The following CSMD1 variants were observed in gnomAD, a reference collection of about 807,000 sequenced individuals.
The protein encoded by CSMD1 is CUB and Sushi multiple domains 1.
A neutral mutation model predicts 417.5 loss-of-function variants in CSMD1; 213 were observed. That is an observed-to-expected ratio of 0.51 (90% CI 0.46 to 0.57). CSMD1 has a LOEUF of 0.57. CSMD1 is among the 20% of genes least tolerant of loss of function. CSMD1 has a pLI of 0.00. For missense variants in CSMD1, 6,923 were observed against 4,529.7 expected (o/e 1.53, Z -15.17); for synonymous variants, 2,862 against 1,736.8 (o/e 1.65, Z -16.11).
intron 3 of CSMD1, among the ~76,000 whole-genome samples, chr8:4,088,281 G>A (rs544292244): frequency 3.3e-4 from 51 of 152,318 alleles, no homozygotes; most frequent in Admixed American, 1.2e-3. Context: ...CTTCTCAATT[G>A]CATGGCCATT....
At chr8:4,021,011 T>G (rs1796762072) in intron 4 of CSMD1, among the ~76,000 whole-genome samples, 1 of 152,164 alleles carries the variant, frequency 6.6e-6, no homozygotes, top group Non-Finnish European at 1.5e-5. Context: ...CTGCATCTAT[T>G]TATTAAACCC....
At position 3,473,841 on chromosome 8, in the gene CSMD1, C is replaced by T. The variant is rs556802703; in HGVS notation, c.1449-5017G>A. Among the ~76,000 whole-genome samples the T allele has an allele frequency of 1.1e-4, 17 of 152,196 alleles. No individual in the cohort carries two copies. The South Asian group carries it at 2.5e-3, about 22-fold the overall frequency. ...ATAAAGAAAGGAGATTTAACTGACT[C>T]GTATTTCCACATGGCTTGGGAGGCC... On this transcript the variant is annotated intron_variant, in intron 11 of 69. Coordinates refer to ENST00000635120, the MANE Select transcript of CSMD1 (RefSeq NM_033225.6).
Position 4,357,332 on chromosome 8 carries a change from C to T in CSMD1, c.415+62621G>A, listed in dbSNP as rs187032457. ...TTTCCTCCTGATATCATGCCTGTTG[C>T]GTAAGCTATTCACAACAGGATCGTA... On this transcript the variant is annotated intron_variant, in intron 3 of 69. Transcript: ENST00000635120. Among the ~76,000 whole-genome samples, 212 of 152,234 alleles carry T rather than the reference C, an allele frequency of 1.4e-3. 1 individual carries two copies. Among genetic ancestry groups the T allele is most frequent in the Admixed American group, 6.0e-3 (91 of 15,286 alleles).
At chr8:2,999,562 G>A (rs1290135534) in intron 53 of CSMD1, among the ~76,000 whole-genome samples, 1 of 152,158 alleles carries the variant, frequency 6.6e-6, no homozygotes, top group African/African-American at 2.4e-5. Context: ...GAGTGCCGCT[G>A]TTTCTAGGAC....
chr8:4,905,464 G>A (rs989082052), intron 1 of CSMD1, among the ~76,000 whole-genome samples: 2 of 151,970 alleles, frequency 1.3e-5, no homozygotes, highest in African/African-American at 2.4e-5. Context: ...TTCTGCTTTA[G>A]GCATTCTAAA....
At chr8:2,966,476 A>T (rs1803969028) in intron 58 of CSMD1, 94 bp downstream of exon 58, 3 of 1,108,712 alleles carry the variant, frequency 2.7e-6, no homozygotes, top group Non-Finnish European at 3.8e-6. Context: ...AATTAAAAAT[A>T]AAAAAACAGT....
intron 1 of CSMD1, among the ~76,000 whole-genome samples, chr8:4,764,677 A>C (rs983594864): frequency 7.3e-6 from 1 of 136,732 alleles, no homozygotes; most frequent in Admixed American, 7.1e-5. Flanking sequence ...AAAACATAAA[A>C]ATTTGTTAAA....
At chr8:3,611,131 T>C (rs938366131) in intron 8 of CSMD1, among the ~76,000 whole-genome samples, 1 of 150,698 alleles carries the variant, frequency 6.6e-6, no homozygotes, top group Non-Finnish European at 1.5e-5. Context: ...TACCTAATGC[T>C]AAATGACGAG....
intron 5 of CSMD1, among the ~76,000 whole-genome samples, chr8:3,878,035 C>A (rs1027520381): frequency 1.3e-5 from 2 of 151,730 alleles, no homozygotes; most frequent in African/African-American, 4.8e-5. Flanking sequence ...TTTATTAGTA[C>A]CTCCATCTAA....
intron 3 of CSMD1, among the ~76,000 whole-genome samples, chr8:4,279,166 T>C (rs1175299868): frequency 6.6e-6 from 1 of 152,156 alleles, no homozygotes; most frequent in Non-Finnish European, 1.5e-5. Flanking sequence ...TTATTCCCCA[T>C]GCCAAGCTTC....
chr8:4,513,091 T>C (rs1802914429), intron 2 of CSMD1, among the ~76,000 whole-genome samples: 1 of 152,212 alleles, frequency 6.6e-6, no homozygotes, highest in African/African-American at 2.4e-5. Context: ...ATTGAACTTT[T>C]GTCCAAACCC....
intron 1 of CSMD1, among the ~76,000 whole-genome samples, chr8:4,688,465 G>C (rs1464628923): frequency 1.3e-5 from 2 of 152,094 alleles, no homozygotes; most frequent in African/African-American, 2.4e-5. Context: ...CTGCCAGCAG[G>C]CGTAAGCACT....
At chr8:4,810,977 A>T (rs1295640610) in intron 1 of CSMD1, among the ~76,000 whole-genome samples, 2 of 152,202 alleles carry the variant, frequency 1.3e-5, no homozygotes, top group Non-Finnish European at 2.9e-5. Context: ...CAAGAAAGTA[A>T]AGAGATATTT....
intron 14 of CSMD1, among the ~76,000 whole-genome samples, chr8:3,407,674 C>T (rs1489464161): frequency 1.3e-5 from 2 of 152,108 alleles, no homozygotes; most frequent in East Asian, 3.9e-4. Flanking sequence ...AGAGGAGATC[C>T]AGCTTCTTAG....
At chr8:4,919,277 T>G (rs1806276753) in intron 1 of CSMD1, among the ~76,000 whole-genome samples, 1 of 152,230 alleles carries the variant, frequency 6.6e-6, no homozygotes, top group African/African-American at 2.4e-5. Context: ...AGAAGAGTTC[T>G]GTCAATTAGA....
Position 3,531,438 on chromosome 8 carries a change from C to T in CSMD1, c.1345-37712G>A, listed in dbSNP as rs536922707. Among the ~76,000 whole-genome samples the T allele has an allele frequency of 4.6e-5, 7 of 152,232 alleles. No individual in the cohort carries two copies. The South Asian group carries it at 1.4e-3, about 32-fold the overall frequency. ...GTAACATTATTCTATATGTGATAAA[C>T]ATCACCCCTCAAAAAATCAAATATA... On this transcript the variant is annotated intron_variant, in intron 10 of 69. Coordinates refer to ENST00000635120, the MANE Select transcript of CSMD1 (RefSeq NM_033225.6).
intron 10 of CSMD1, among the ~76,000 whole-genome samples, chr8:3,550,812 A>T (rs1476814443): frequency 1.3e-5 from 2 of 152,224 alleles, no homozygotes; most frequent in African/African-American, 2.4e-5. Flanking sequence ...CCTCGTGAAT[A>T]CTTGTTGGAT....
At position 4,032,040 on chromosome 8, in the gene CSMD1, T is replaced by G. The variant is rs773493717; in HGVS notation, c.475A>C (p.Thr159Pro). The change falls in exon 4 of 70, where the codon ACG becomes CCG. Residue 159 changes from threonine (T) to proline (P), a missense_variant. Coordinates refer to ENST00000635120, the MANE Select transcript of CSMD1 (RefSeq NM_033225.6). ...ATTTTGTCTCCTATGTTGAATCTCG[T>G]TCCATGCAGAACTCCTTTCAGGATT... is the stretch of plus-strand genomic sequence containing the variant. ...GEILKGVLHGTRFNIGDKIRY... is the reference protein window; with the variant it reads ...GEILKGVLHGPRFNIGDKIRY... The G allele has an allele frequency of 6.2e-7, 1 of 1,613,936 alleles. No homozygotes were observed. The highest frequency in any genetic ancestry group is 8.5e-7 in the Non-Finnish European group (1 of 1,179,848).
intron 1 of CSMD1, among the ~76,000 whole-genome samples, chr8:4,860,489 T>A (rs1057318199): frequency 3.3e-5 from 5 of 151,984 alleles, no homozygotes; most frequent in African/African-American, 9.7e-5. Flanking sequence ...GGCTCCCTCA[T>A]CATCTTTTAC....
Sources: allele counts gnomAD v4.1 joint callset (sites outside exome capture counted in the v4.1 genomes callset), GRCh38; gene constraint gnomAD v4.1.1; transcripts MANE v1.5; gene names NCBI Gene and HGNC (gene_info 2026-07-23, HGNC 2026-07-21).